ITIH5: variants seen among roughly 807,000 people sequenced by gnomAD.
ITIH5 encodes inter-alpha-trypsin inhibitor heavy chain H5.
In ITIH5, 65 loss-of-function variants were observed where a neutral mutation model predicts 77.5. That is an observed-to-expected ratio of 0.84 (90% CI 0.69 to 1.03). The LOEUF (loss-of-function observed/expected upper bound fraction) is 1.03. ITIH5 is among the 50% of genes least tolerant of loss of function. The probability of loss-of-function intolerance (pLI) is 0.00; values close to 1 mark genes in which losing one functional copy is unlikely to be tolerated. For missense variants in ITIH5, 1,208 were observed against 1,213.1 expected, an observed-to-expected ratio of 1.00 and a Z score of 0.06; for synonymous variants, 525 against 494.3, an observed-to-expected ratio of 1.06 and a Z score of -0.82.
chr10:7,626,359 A>C (rs1833578594), intron 5 of ITIH5, among the ~76,000 whole-genome samples: 1 of 152,232 alleles, frequency 6.6e-6, no homozygotes, highest in African/African-American at 2.4e-5. Context: ...CCAACGTCAA[A>C]ACAAACAAGA....
rs181796498 is a variant in ITIH5, at chr10:7,584,076, T to C, written c.1108+1825A>G. Among the ~76,000 whole-genome samples the C allele has an allele frequency of 3.8e-3, 584 of 152,320 alleles. 1 individual carries two copies. Among genetic ancestry groups the C allele is most frequent in the Admixed American group, 7.1e-3 (108 of 15,304 alleles). ...ATCTTCATTCTACAGATGAGGAAAC[T>C]GAGGCACAGAGAAGATGGAGCTGGA... On this transcript the variant is annotated intron_variant, in intron 8 of 13. Transcript: ENST00000397146.
intron 5 of ITIH5, among the ~76,000 whole-genome samples, chr10:7,632,261 G>C (rs1446604188): frequency 6.6e-6 from 1 of 152,178 alleles, no homozygotes; most frequent in Non-Finnish European, 1.5e-5. Flanking sequence ...AGTCTACAGG[G>C]ATGAAGAGTG....
At chr10:7,649,294 CCTT>C (rs1157194420) in intron 2 of ITIH5, among the ~76,000 whole-genome samples, 3 of 151,490 alleles carry the variant, frequency 2.0e-5, no homozygotes, top group Non-Finnish European at 2.9e-5. Flanking sequence ...CTTTCTTCTT[CCTT>C]CTTCTTCTTT....
intron 5 of ITIH5, among the ~76,000 whole-genome samples, chr10:7,636,060 G>A (rs932386679): frequency 1.3e-5 from 2 of 151,980 alleles, no homozygotes; most frequent in African/African-American, 4.8e-5. Flanking sequence ...AGCCTTACTG[G>A]TATATTAAGT....
At chr10:7,637,521 G>C in intron 4 of ITIH5, 43 bp from the exon 5 acceptor site, 2 of 1,592,668 alleles carry the variant, frequency 1.3e-6, no homozygotes, top group Non-Finnish European at 1.7e-6. Flanking sequence ...GTTCGGAAGA[G>C]GATAGAGCCA....
In ITIH5 at chr10:7,612,969, G is replaced by A. The variant is rs1434145602; in HGVS notation, c.939+3013C>T. The stretch of plus-strand genomic sequence containing the variant: ...AAGAACTTGTAGTACACAGGGCCGG[G>A]CGCGGTGGCTCATGCCTGTAATCCC... On this transcript the variant is annotated intron_variant, in intron 7 of 13. Coordinates refer to ENST00000397146, the MANE Select transcript of ITIH5 (RefSeq NM_030569.7). Among the ~76,000 whole-genome samples the A allele has an allele frequency of 3.3e-5, 5 of 152,190 alleles. No homozygotes were observed. The South Asian group carries it at 6.2e-4, about 19-fold the overall frequency.
chr10:7,649,506 A>G (rs1834061069), intron 2 of ITIH5, among the ~76,000 whole-genome samples: 1 of 148,376 alleles, frequency 6.7e-6, no homozygotes, highest in Non-Finnish European at 1.5e-5. Flanking sequence ...GGATAGATGG[A>G]TAGATAGATA....
chr10:7,613,735 T>G (rs1348914017), intron 7 of ITIH5, among the ~76,000 whole-genome samples: 2 of 152,192 alleles, frequency 1.3e-5, no homozygotes, highest in African/African-American at 4.8e-5. Flanking sequence ...GGACCACTTG[T>G]GTCTCAAGGA....
intron 5 of ITIH5, among the ~76,000 whole-genome samples, chr10:7,623,173 T>G (rs1170178652): frequency 2.6e-5 from 4 of 152,170 alleles, no homozygotes; most frequent in Admixed American, 2.0e-4. Context: ...GGGAGAGGGA[T>G]TTCCTGGCCT....
intron 2 of ITIH5, among the ~76,000 whole-genome samples, chr10:7,644,781 CAT>C (rs1442008053): frequency 1.6e-5 from 2 of 127,760 alleles, no homozygotes; most frequent in African/African-American, 3.4e-5. Context: ...ATATATATCA[CAT>C]ATATATCATA....
chr10:7,638,794 C>T (rs924919664), intron 4 of ITIH5, among the ~76,000 whole-genome samples: 8 of 152,204 alleles, frequency 5.3e-5, no homozygotes, highest in Non-Finnish European at 7.3e-5. Flanking sequence ...GATATAAAGA[C>T]ATCCATGTTT....
Position 7,566,208 on chromosome 10 carries a change from G to C in ITIH5, c.2349C>G (p.Ser783Arg), listed in dbSNP as rs758933080. The change falls in exon 13 of 14, where the codon AGC becomes AGG. Residue 783 changes from serine to arginine, a missense_variant. By Grantham distance (110) the Ser-to-Arg change is moderately radical (BLOSUM62 -1). Transcript: ENST00000397146. ...CAGACACGGACACCTCCAGCCCCCA[G>C]CTCCCCACCACCACACTCTGGTTGC... ...LPCNQSVVVG[S>R]WGLEVSVSAN... 2.5e-6 allele frequency: 4 copies of C among 1,613,898 alleles called. No individual in the cohort carries two copies. The Admixed American group carries it at 6.7e-5, about 27-fold the overall frequency.
At chr10:7,633,864 C>T (rs1290334709) in intron 5 of ITIH5, among the ~76,000 whole-genome samples, 4 of 151,680 alleles carry the variant, frequency 2.6e-5, no homozygotes, top group Admixed American at 2.0e-4. Flanking sequence ...CCGAGGCGGG[C>T]GGATCACGAG....
intron 5 of ITIH5, among the ~76,000 whole-genome samples, chr10:7,632,355 T>A (rs1466111799): frequency 6.6e-6 from 1 of 152,164 alleles, no homozygotes; most frequent in Non-Finnish European, 1.5e-5. Flanking sequence ...GTAGCAGCGT[T>A]CTAAAATTGG....
chr10:7,625,455 C>T (rs1378303867), intron 5 of ITIH5, among the ~76,000 whole-genome samples: 1 of 152,106 alleles, frequency 6.6e-6, no homozygotes, highest in Non-Finnish European at 1.5e-5. Context: ...AGACTTAACA[C>T]TGCCAAACAC....
Position 7,559,528 on chromosome 10 carries a change from G to C in ITIH5, c.*3555C>G. 5.1e-6 allele frequency: 1 copy of C among 196,366 alleles called. No individual in the cohort carries two copies. Among genetic ancestry groups the C allele is most frequent in the Non-Finnish European group, 1.0e-5 (1 of 96,400 alleles). 12.2% of individuals were successfully genotyped at this position (196,366 alleles called of 1,614,324 possible). Reference sequence around the variant, plus strand: ...TATTTTAGCTGGATCATGTCCTACAGTTCCAAGAGTCCTTTAAATTTTAAT... The same window carrying C: ...TATTTTAGCTGGATCATGTCCTACACTTCCAAGAGTCCTTTAAATTTTAAT... On this transcript the variant is annotated 3_prime_UTR_variant, in exon 14 of 14. Coordinates refer to ENST00000397146, the MANE Select transcript of ITIH5 (RefSeq NM_030569.7).
chr10:7,586,163 G>T (rs1832676141), intron 7 of ITIH5, 94 bp from the exon 8 acceptor site: 15 of 1,163,480 alleles, frequency 1.3e-5, no homozygotes, highest in Non-Finnish European at 1.8e-5. Context: ...CAGGAAAAAT[G>T]TCAGGGTTCA....
intron 5 of ITIH5, among the ~76,000 whole-genome samples, chr10:7,635,235 A>G (rs1329758957): frequency 6.6e-6 from 1 of 152,220 alleles, no homozygotes; most frequent in Non-Finnish European, 1.5e-5. Flanking sequence ...AAGTTTTGCA[A>G]CAGAAAAAAG....
intron 5 of ITIH5, among the ~76,000 whole-genome samples, chr10:7,630,911 G>C (rs1833701693): frequency 6.6e-6 from 1 of 151,920 alleles, no homozygotes; most frequent in Admixed American, 6.6e-5. Context: ...CCCATTCCTA[G>C]AGTTAAGATT....
Sources: gnomAD v4.1 joint callset for allele counts (sites outside exome capture counted in the v4.1 genomes callset) on GRCh38, gnomAD v4.1.1 for gene constraint, MANE v1.5 for transcripts, NCBI Gene and HGNC (gene_info 2026-07-23, HGNC 2026-07-21) for gene names.